The following PLEKHA5 variants were observed in gnomAD, a reference collection of about 807,000 sequenced individuals.
The protein encoded by PLEKHA5 is pleckstrin homology domain containing A5, also known as pleckstrin homology domain-containing family A member 5.
PLEKHA5 carries 55 observed loss-of-function variants against 181.9 expected under a neutral mutation model. The observed-to-expected ratio is 0.30, with a 90% CI of 0.24 to 0.38. The LOEUF (loss-of-function observed/expected upper bound fraction) is 0.38, where lower values mean the gene tolerates loss of function less well. PLEKHA5 is among the 10% of genes least tolerant of loss of function. PLEKHA5 has a pLI of 1.00. For synonymous variants in PLEKHA5, 535 were observed against 529.4 expected, an observed-to-expected ratio of 1.01 and a Z score of -0.15; for missense variants, 1,432 against 1,549.5, an observed-to-expected ratio of 0.92 and a Z score of 1.27.
rs2095116113 is a variant in PLEKHA5 at position 19,359,486 on chromosome 12, T to G, written c.3423T>G (p.Pro1141=). ...ATGTAAAGCCAGACCATGAAACTCC[T>G]GCAACAGAAATTGTTCAACTAAAAG... ...ENDVKPDHET[P]ATEIVQLKET... Residue 1141 remains proline, a synonymous_variant, in exon 28 of 32, where the codon CCT becomes CCG. Transcript: ENST00000429027. 1 of 1,613,794 alleles carries G rather than the reference T, an allele frequency of 6.2e-7. No individual in the cohort carries two copies. The highest frequency in any genetic ancestry group is 8.5e-7 in the Non-Finnish European group (1 of 1,179,706).
intron 3 of PLEKHA5, among the ~76,000 whole-genome samples, chr12:19,248,174 G>A (rs1374548811): frequency 6.6e-6 from 1 of 152,164 alleles, no homozygotes; most frequent in African/African-American, 2.4e-5. Flanking sequence ...AGAGAGTTGT[G>A]TTCACATCAC....
chr12:19,164,197 G>GTTTTTTT lies in PLEKHA5; in HGVS notation c.227+31760_227+31766dup, dbSNP rs59712166. Among the ~76,000 whole-genome samples, 15 of 92,814 alleles carry GTTTTTTT rather than the reference G, an allele frequency of 1.6e-4. No individual in the cohort carries two copies. The East Asian group carries it at 1.9e-3, about 12-fold the overall frequency. 60.9% of individuals were successfully genotyped at this position (92,814 alleles called of 152,430 possible). Reference sequence around the variant, plus strand: ...CACTTCTTGCTCTCCAGATGTTTTTGTTTTTTTTTTTTTTTTTTTGAGATG... The same window carrying GTTTTTTT: ...CACTTCTTGCTCTCCAGATGTTTTTGTTTTTTTTTTTTTTTTTTTTTTTTTTGAGATG... On this transcript the variant is annotated intron_variant, in intron 3 of 31. Coordinates refer to ENST00000429027, the MANE Select transcript of PLEKHA5 (RefSeq NM_001256470.2).
intron 15 of PLEKHA5, among the ~76,000 whole-genome samples, chr12:19,305,861 C>CAAA (rs376068601): frequency 0.012 from 436 of 37,812 alleles, 66 homozygotes; most frequent in African/African-American, 0.023. Flanking sequence ...AACTCCATCT[C>CAAA]AAAAAAAAAA....
At chr12:19,298,641 T>A (rs2080601441) in intron 15 of PLEKHA5, among the ~76,000 whole-genome samples, 1 of 151,994 alleles carries the variant, frequency 6.6e-6, no homozygotes, top group Non-Finnish European at 1.5e-5. Flanking sequence ...AGTGCTGGGA[T>A]TACAGGTGTA....
At chr12:19,243,925 T>C (rs1344043996) in intron 3 of PLEKHA5, among the ~76,000 whole-genome samples, 1 of 152,230 alleles carries the variant, frequency 6.6e-6, no homozygotes, top group Non-Finnish European at 1.5e-5. Flanking sequence ...CAATTTTCTA[T>C]GCCAGCGTAT....
chr12:19,199,345 C>A (rs2053661236), intron 3 of PLEKHA5, among the ~76,000 whole-genome samples: 1 of 151,962 alleles, frequency 6.6e-6, no homozygotes, highest in South Asian at 2.1e-4. Context: ...AAATAAAAAT[C>A]TTTTATCAAC....
At chr12:19,334,852 A>C (rs2093247575) in intron 20 of PLEKHA5, among the ~76,000 whole-genome samples, 2 of 74,654 alleles carry the variant, frequency 2.7e-5, no homozygotes, top group Non-Finnish European at 6.7e-5. Flanking sequence ...ATATATATAT[A>C]TATATATATA....
chr12:19,308,687 A>G (rs2085073985), intron 15 of PLEKHA5, among the ~76,000 whole-genome samples: 1 of 152,120 alleles, frequency 6.6e-6, no homozygotes, highest in Non-Finnish European at 1.5e-5. Context: ...AACATGATGG[A>G]TCTCCTTATG....
chr12:19,357,002 T>A (rs573580506), intron 26 of PLEKHA5, among the ~76,000 whole-genome samples: 1 of 137,326 alleles, frequency 7.3e-6, no homozygotes, highest in South Asian at 2.5e-4. Context: ...ATAAGTGTTT[T>A]CGTAGTTTTA....
chr12:19,287,764 G>A (rs1180376009), intron 13 of PLEKHA5, among the ~76,000 whole-genome samples: 4 of 152,138 alleles, frequency 2.6e-5, no homozygotes, highest in African/African-American at 7.2e-5. Context: ...GTGTCTGACT[G>A]GCCAAATAAA....
At chr12:19,319,396 A>T (rs2090037193) in intron 16 of PLEKHA5, among the ~76,000 whole-genome samples, 2 of 152,144 alleles carry the variant, frequency 1.3e-5, no homozygotes, top group African/African-American at 4.8e-5. Flanking sequence ...TGATTCCCAC[A>T]TTTCTAGATC....
At chr12:19,266,919 A>G (rs1287298385) in intron 8 of PLEKHA5, among the ~76,000 whole-genome samples, 1 of 152,176 alleles carries the variant, frequency 6.6e-6, no homozygotes, top group Non-Finnish European at 1.5e-5. Flanking sequence ...TAAGTACATC[A>G]TGATCATCGG....
At chr12:19,248,342 C>T (rs1053929334) in intron 3 of PLEKHA5, among the ~76,000 whole-genome samples, 5 of 152,218 alleles carry the variant, frequency 3.3e-5, no homozygotes, top group East Asian at 3.9e-4. Context: ...GGATTACAGG[C>T]GTGTGTCACT....
chr12:19,326,843 T>C (rs1013850078), intron 20 of PLEKHA5, among the ~76,000 whole-genome samples: 4 of 152,202 alleles, frequency 2.6e-5, no homozygotes, highest in African/African-American at 4.8e-5. Flanking sequence ...CCTGCATTAA[T>C]TTACTTAGGA....
intron 20 of PLEKHA5, among the ~76,000 whole-genome samples, chr12:19,330,617 T>G (rs910578693): frequency 1.3e-5 from 2 of 152,076 alleles, no homozygotes; most frequent in Non-Finnish European, 2.9e-5. Context: ...ATTAAGCACA[T>G]TCTTCAAATG....
chr12:19,237,534 A>T (rs2152425633), intron 3 of PLEKHA5, among the ~76,000 whole-genome samples: 1 of 152,160 alleles, frequency 6.6e-6, no homozygotes, highest in East Asian at 1.9e-4. Context: ...TACTAGTCTA[A>T]ACTTATTAAT....
chr12:19,354,058 C>G (rs2094761342), intron 26 of PLEKHA5, 56 bp downstream of exon 26: 2 of 667,896 alleles, frequency 3.0e-6, no homozygotes, highest in Admixed American at 2.8e-5. Context: ...TTATTGCTTT[C>G]TTACATGTTT....
intron 15 of PLEKHA5, among the ~76,000 whole-genome samples, chr12:19,293,435 A>G (rs1037428303): frequency 6.6e-6 from 1 of 152,188 alleles, no homozygotes; most frequent in Non-Finnish European, 1.5e-5. Flanking sequence ...CCAGAGATTG[A>G]GGCTATTGAA....
intron 3 of PLEKHA5, among the ~76,000 whole-genome samples, chr12:19,237,539 A>G (rs1025100040): frequency 6.6e-6 from 1 of 152,034 alleles, no homozygotes; most frequent in Non-Finnish European, 1.5e-5. Flanking sequence ...GTCTAAACTT[A>G]TTAATAGAAG....
Sources: allele counts gnomAD v4.1 joint callset (sites outside exome capture counted in the v4.1 genomes callset), GRCh38; gene constraint gnomAD v4.1.1; transcripts MANE v1.5; gene names NCBI Gene and HGNC (gene_info 2026-07-23, HGNC 2026-07-21).